Variants in VPS53 observed in about 807,000 individuals in gnomAD.
VPS53 encodes the protein vacuolar protein sorting-associated protein 53 homolog.
Under a neutral mutation model 107.0 loss-of-function variants are expected in VPS53, and 70 were observed. The observed-to-expected ratio is 0.65, with a 90% CI of 0.54 to 0.80. The LOEUF is 0.80. Ranked by LOEUF, VPS53 falls within the 30% of genes least tolerant of loss-of-function variation. The probability of loss-of-function intolerance (pLI) is 0.00; values close to 1 mark genes in which losing one functional copy is unlikely to be tolerated. For missense variants in VPS53, 917 were observed against 1,049.4 expected, an observed-to-expected ratio of 0.87 and a Z score of 1.74; for synonymous variants, 409 against 393.3, an observed-to-expected ratio of 1.04 and a Z score of -0.47.
Position 519,366 on chromosome 17 carries a change from G to T in VPS53, c.2329-68C>A. 2 of 1,405,970 alleles carry T rather than the reference G, an allele frequency of 1.4e-6. No individual in the cohort carries two copies. Among genetic ancestry groups the T allele is most frequent in the Non-Finnish European group, 9.3e-7 (1 of 1,070,412 alleles). 87.1% of individuals were successfully genotyped at this position (1,405,970 alleles called of 1,614,324 possible). A position where few individuals can be genotyped will look rare whatever the true frequency, so the allele number is the denominator to read the frequency against. On this transcript the variant is annotated intron_variant, in intron 21 of 21. Coordinates refer to ENST00000437048, the MANE Select transcript of VPS53 (RefSeq NM_001128159.3). This position sits in a 1 kb window ranked among gnomAD's most constrained non-coding sequence, Gnocchi z 5.0. ...AGAATGGCCCACGGGGGACAGCGCA[G>T]TATCTGGATATGGGGTCAGCAGAGG...
intron 4 of VPS53, among the ~76,000 whole-genome samples, chr17:665,217 T>C (rs973275693): frequency 2.0e-5 from 3 of 152,212 alleles, no homozygotes; most frequent in Non-Finnish European, 4.4e-5. Context: ...ATGCACACAC[T>C]TTCTTGCCTT....
At chr17:681,583 G>GA (rs1489463498) in intron 4 of VPS53, among the ~76,000 whole-genome samples, 1 of 152,198 alleles carries the variant, frequency 6.6e-6, no homozygotes, top group Non-Finnish European at 1.5e-5. Flanking sequence ...AAAATATGAA[G>GA]AAAATCTGGC....
chr17:586,424 T>A, intron 12 of VPS53, 60 bp from the exon 13 acceptor site: 1 of 1,522,542 alleles, frequency 6.6e-7, no homozygotes, highest in Middle Eastern at 1.7e-4. Context: ...TGTTCAAGAA[T>A]TTTTTTAAAA....
At chr17:593,972 C>T (rs9747539) in intron 12 of VPS53, among the ~76,000 whole-genome samples, 57,317 of 152,102 alleles carry the variant, frequency 0.38, 11,513 homozygotes, top group East Asian at 0.5. Context: ...TGGAATACTA[C>T]ACAGCCATAA....
At chr17:568,724 T>C (rs1246813160) in intron 13 of VPS53, among the ~76,000 whole-genome samples, 4 of 152,174 alleles carry the variant, frequency 2.6e-5, no homozygotes, top group Non-Finnish European at 5.9e-5. Flanking sequence ...GTAAATATAC[T>C]GAGCATGCTA....
chr17:583,002 C>A (rs1178919002), intron 13 of VPS53, among the ~76,000 whole-genome samples: 1 of 149,834 alleles, frequency 6.7e-6, no homozygotes, highest in Non-Finnish European at 1.5e-5. Context: ...CTAAAGTGTT[C>A]CCAGAGAACC....
chr17:603,764 T>A (rs1968431319), intron 11 of VPS53, among the ~76,000 whole-genome samples: 1 of 152,192 alleles, frequency 6.6e-6, no homozygotes, highest in African/African-American at 2.4e-5. Context: ...AATGTACAGC[T>A]CTTGTTAGAA....
At chr17:663,968 T>G (rs1001768502) in intron 4 of VPS53, among the ~76,000 whole-genome samples, 1 of 152,180 alleles carries the variant, frequency 6.6e-6, no homozygotes, top group East Asian at 1.9e-4. Context: ...GAAGGACTTA[T>G]GCAGTGATGA....
chr17:693,575 A>C (rs960295499), intron 4 of VPS53, among the ~76,000 whole-genome samples: 1 of 152,270 alleles, frequency 6.6e-6, no homozygotes, highest in East Asian at 1.9e-4. Flanking sequence ...TAAAAAATTA[A>C]AAATTAAAAA....
intron 4 of VPS53, among the ~76,000 whole-genome samples, chr17:680,208 C>T (rs1972333937): frequency 6.6e-6 from 1 of 152,224 alleles, no homozygotes; most frequent in Middle Eastern, 3.4e-3. Context: ...GCAGGAGAAT[C>T]GCTTGAACCC....
chr17:681,458 C>T (rs1199352585), intron 4 of VPS53, among the ~76,000 whole-genome samples: 1 of 152,112 alleles, frequency 6.6e-6, no homozygotes, highest in African/African-American at 2.4e-5. Flanking sequence ...TCTTGAGAAG[C>T]GTGGCACTGC....
chr17:518,290 G>GT lies in VPS53; in HGVS notation c.*837_*838insA, dbSNP rs1908452426. Reference sequence around the variant, plus strand: ...CCGCGGTGGACAGGAAGGGCGGGGGGGGCGGGCAGGCTGCGTGCCAGGCCA... The same window carrying GT: ...CCGCGGTGGACAGGAAGGGCGGGGGGTGGCGGGCAGGCTGCGTGCCAGGCCA... On this transcript the variant is annotated 3_prime_UTR_variant, in exon 22 of 22. Transcript: ENST00000437048. 1 of 152,114 alleles carries GT rather than the reference G, an allele frequency of 6.6e-6. No homozygotes were observed. The highest frequency in any genetic ancestry group is 1.5e-5 in the Non-Finnish European group (1 of 68,074). 9.4% of individuals were successfully genotyped at this position (152,114 alleles called of 1,614,324 possible).
chr17:593,788 A>G (rs1482414693), intron 12 of VPS53, among the ~76,000 whole-genome samples: 1 of 152,186 alleles, frequency 6.6e-6, no homozygotes, highest in African/African-American at 2.4e-5. Flanking sequence ...ATACCATTTG[A>G]CCCAGCAATC....
At chr17:692,669 A>G (rs1389235068) in intron 4 of VPS53, among the ~76,000 whole-genome samples, 1 of 152,230 alleles carries the variant, frequency 6.6e-6, no homozygotes, top group Non-Finnish European at 1.5e-5. Context: ...TTAAGACACC[A>G]TGAATGTGAA....
At chr17:529,543 G>A (rs1284114816) in intron 19 of VPS53, among the ~76,000 whole-genome samples, 2 of 151,794 alleles carry the variant, frequency 1.3e-5, no homozygotes, top group African/African-American at 4.8e-5. Context: ...ATTTTTTATT[G>A]GGCAGCCTCC....
At chr17:629,717 C>G (rs952034670) in intron 8 of VPS53, among the ~76,000 whole-genome samples, 8 of 151,080 alleles carry the variant, frequency 5.3e-5, no homozygotes, top group African/African-American at 1.9e-4. Context: ...GAGCCGAGAT[C>G]GCACCACGAC....
intron 4 of VPS53, among the ~76,000 whole-genome samples, chr17:683,625 A>G (rs1972481747): frequency 6.6e-6 from 1 of 152,238 alleles, no homozygotes; most frequent in Admixed American, 6.5e-5. Context: ...GCTTCTCTGC[A>G]GGCTATTTTA....
intron 4 of VPS53, among the ~76,000 whole-genome samples, chr17:690,579 G>A (rs7218263): frequency 0.098 from 14,962 of 152,228 alleles, 823 homozygotes; most frequent in East Asian, 0.21. Flanking sequence ...TGCTTACGCC[G>A]CTTAGGTTAC....
chr17:648,699 C>T (rs1437129319), intron 7 of VPS53, among the ~76,000 whole-genome samples: 1 of 151,522 alleles, frequency 6.6e-6, no homozygotes, highest in African/African-American at 2.4e-5. Flanking sequence ...GAAGATCTTA[C>T]ACTGGAGGAC....
Sources: allele counts gnomAD v4.1 joint callset (sites outside exome capture counted in the v4.1 genomes callset), GRCh38; gene constraint gnomAD v4.1.1; non-coding constraint Gnocchi (gnomAD v3.1); transcripts MANE v1.5; gene names NCBI Gene and HGNC (gene_info 2026-07-23, HGNC 2026-07-21).